The following MTRES1 variants were observed in gnomAD, a reference collection of about 807,000 sequenced individuals.
MTRES1 encodes the protein mitochondrial transcription rescue factor 1.
MTRES1 carries 11 observed loss-of-function variants against 17.4 expected under a neutral mutation model. That is an observed-to-expected ratio of 0.63 (90% CI 0.40 to 1.05). The LOEUF is 1.05. Ranked by LOEUF, MTRES1 falls within the 50% of genes least tolerant of loss-of-function variation. The probability of loss-of-function intolerance (pLI) is 0.00; values close to 1 mark genes in which losing one functional copy is unlikely to be tolerated. For missense variants in MTRES1, 268 were observed against 276.2 expected, an observed-to-expected ratio of 0.97 and a Z score of 0.21; for synonymous variants, 94 against 99.6, an observed-to-expected ratio of 0.94 and a Z score of 0.34.
chr6:107,030,195 G>A (rs888165713), intron 1 of MTRES1: 9 of 717,836 alleles, frequency 1.3e-5, no homozygotes, highest in African/African-American at 5.2e-5. Context: ...GAGAGGAAAT[G>A]GGGGTTGAGG....
chr6:107,030,129 G>A (rs1773787734), intron 1 of MTRES1: 1 of 718,528 alleles, frequency 1.4e-6, no homozygotes, highest in Non-Finnish European at 2.6e-6. Context: ...ATTAAGGGGA[G>A]GATGCCAGTG....
intron 3 of MTRES1, among the ~76,000 whole-genome samples, chr6:107,046,531 T>G (rs1774396560): frequency 6.6e-6 from 1 of 152,132 alleles, no homozygotes; most frequent in Non-Finnish European, 1.5e-5. Context: ...ACTAGAGATT[T>G]GAAATGTAGA....
intron 3 of MTRES1, among the ~76,000 whole-genome samples, chr6:107,050,129 G>A (rs890579425): frequency 6.6e-6 from 1 of 152,224 alleles, no homozygotes; most frequent in Non-Finnish European, 1.5e-5. Flanking sequence ...CAGTGTCCTT[G>A]ACCTTGGAGC....
At chr6:107,032,243 T>C (rs1352830469) in intron 1 of MTRES1, among the ~76,000 whole-genome samples, 2 of 152,176 alleles carry the variant, frequency 1.3e-5, no homozygotes, top group African/African-American at 4.8e-5. Flanking sequence ...CACCCCCACG[T>C]TGATTCATTT....
intron 3 of MTRES1, among the ~76,000 whole-genome samples, chr6:107,048,191 A>G (rs566328213): frequency 6.6e-6 from 1 of 152,048 alleles, no homozygotes; most frequent in Admixed American, 6.5e-5. Context: ...CTGGAGTGCA[A>G]TGGCACGATC....
chr6:107,031,385 CA>C (rs782379041), intron 1 of MTRES1, among the ~76,000 whole-genome samples: 22 of 97,600 alleles, frequency 2.3e-4, no homozygotes, highest in Admixed American at 5.8e-4. Flanking sequence ...GACCCTGTCT[CA>C]AAAAAAAAAA....
chr6:107,036,782 G>A (rs1001334747), intron 1 of MTRES1, among the ~76,000 whole-genome samples: 3 of 151,690 alleles, frequency 2.0e-5, no homozygotes, highest in Admixed American at 6.6e-5. Flanking sequence ...CCCAGGAGGC[G>A]GAGCTTGCAG....
intron 2 of MTRES1, chr6:107,041,009 A>G (rs62429963): frequency 0.043 from 6,540 of 150,864 alleles, 201 homozygotes; most frequent in African/African-American, 0.064. Flanking sequence ...GGCGGATCAC[A>G]AGGTCAGGAG....
rs1774327042 is a variant in MTRES1 at position 107,044,482 on chromosome 6, T to G, written c.543+150T>G. The G allele has an allele frequency of 7.6e-6, 5 of 658,880 alleles. No homozygotes were observed. The South Asian group carries it at 9.6e-5, about 13-fold the overall frequency. The allele number at this position is 658,880 out of a possible 1,614,324, so 40.8% of individuals were successfully genotyped here. ...CCACGTCAAGCTGGTGGGAATCAGC[T>G]ACAGGCTTCAGACACACAGGCACTT... is the stretch of plus-strand genomic sequence containing the variant. On this transcript the variant is annotated intron_variant, in intron 3 of 3. Coordinates refer to ENST00000311381, the MANE Select transcript of MTRES1 (RefSeq NM_016487.5).
chr6:107,029,872 C>T (rs1270017242), intron 1 of MTRES1, among the ~76,000 whole-genome samples: 1 of 152,302 alleles, frequency 6.6e-6, no homozygotes, highest in Non-Finnish European at 1.5e-5. Context: ...TCCCAAAGTG[C>T]TGGGATTATA....
intron 3 of MTRES1, 137 bp downstream of exon 3, chr6:107,044,469 G>A: frequency 1.5e-6 from 1 of 678,026 alleles, no homozygotes. Context: ...ACGTCAAGCT[G>A]GTGGGAATCA....
At chr6:107,038,870 C>T (rs536528662) in intron 1 of MTRES1, among the ~76,000 whole-genome samples, 4 of 152,126 alleles carry the variant, frequency 2.6e-5, no homozygotes, top group South Asian at 2.1e-4. Context: ...GCCTGACCAC[C>T]GTGTAGAAAC....
intron 1 of MTRES1, 26 bp from the exon 2 acceptor site, chr6:107,039,721 GAT>G: frequency 6.4e-7 from 1 of 1,563,510 alleles, no homozygotes; most frequent in South Asian, 1.2e-5. Context: ...GCACTTGTGA[GAT>G]AAAACTGATT....
Position 107,051,247 on chromosome 6 carries a change from T to C in MTRES1, c.*11T>C. 6.2e-7 allele frequency: 1 copy of C among 1,605,748 alleles called. No homozygotes were observed. On this transcript the variant is annotated 3_prime_UTR_variant, in exon 4 of 4. Coordinates refer to ENST00000311381, the MANE Select transcript of MTRES1 (RefSeq NM_016487.5). ...AGAATGTCTAAATAAATGGATTGCT[T>C]TTTAGCAATAGAGCTGCTTTCTAGT...
At chr6:107,029,914 C>T (rs1773777547) in intron 1 of MTRES1, 4 of 607,010 alleles carry the variant, frequency 6.6e-6, no homozygotes, top group Non-Finnish European at 1.2e-5. Context: ...CTCATCTTGC[C>T]CTCTCAATCC....
chr6:107,040,092 A>G lies in MTRES1; in HGVS notation c.332A>G (p.His111Arg). 1 of 1,613,918 alleles carries G rather than the reference A, an allele frequency of 6.2e-7. No homozygotes were observed. The change falls in exon 2 of 4, where the codon CAT (histidine) becomes CGT (arginine). Residue 111 changes from histidine (H) to arginine (R), a missense_variant. Coordinates refer to ENST00000311381, the MANE Select transcript of MTRES1 (RefSeq NM_016487.5). Reference protein sequence around the residue: ...VDEEDSDEESHHDEMSEQEEE... With the variant: ...VDEEDSDEESRHDEMSEQEEE... The stretch of plus-strand genomic sequence containing the variant: ...GAAGAGGACTCTGATGAAGAAAGCC[A>G]TCATGATGAGATGAGTGAGCAGGAA...
At chr6:107,049,553 A>G (rs534129736) in intron 3 of MTRES1, among the ~76,000 whole-genome samples, 27 of 151,122 alleles carry the variant, frequency 1.8e-4, no homozygotes, top group African/African-American at 6.3e-4. Context: ...AGCTAGAACT[A>G]CAGGCGCCCG....
At chr6:107,033,588 C>A (rs1554226662) in intron 1 of MTRES1, among the ~76,000 whole-genome samples, 2 of 151,848 alleles carry the variant, frequency 1.3e-5, no homozygotes, top group Non-Finnish European at 2.9e-5. Flanking sequence ...GGAGGCTGAG[C>A]TGGGCAGATC....
intron 1 of MTRES1, among the ~76,000 whole-genome samples, chr6:107,036,895 C>T (rs1460515052): frequency 2.0e-5 from 3 of 151,046 alleles, no homozygotes; most frequent in African/African-American, 7.3e-5. Flanking sequence ...TATGTCCTTC[C>T]TACTCTTTTG....
Sources: allele counts gnomAD v4.1 joint callset (sites outside exome capture counted in the v4.1 genomes callset), GRCh38; gene constraint gnomAD v4.1.1; transcripts MANE v1.5; gene names NCBI Gene and HGNC (gene_info 2026-07-23, HGNC 2026-07-21).